Variants in TTC36 observed in about 807,000 individuals in gnomAD.
The protein encoded by TTC36 is tetratricopeptide repeat protein 36.
A neutral mutation model predicts 17.5 loss-of-function variants in TTC36; 15 were observed. That is an observed-to-expected ratio of 0.86 (90% CI 0.57 to 1.32). The LOEUF (loss-of-function observed/expected upper bound fraction) is 1.32, where lower values mean the gene tolerates loss of function less well. TTC36 is among the 40% of genes most tolerant of loss of function. The pLI is 0.00. For missense variants in TTC36, 292 were observed against 260.9 expected, an observed-to-expected ratio of 1.12 and a Z score of -0.82; for synonymous variants, 112 against 109.8, an observed-to-expected ratio of 1.02 and a Z score of -0.13.
In TTC36 at chr11:118,530,411, G is replaced by T. The variant is rs1436680912; in HGVS notation, c.308-243G>T. On this transcript the variant is annotated intron_variant, in intron 2 of 2. Transcript: ENST00000302783. The surrounding 1 kb of genome is among the most constrained non-coding windows in gnomAD (Gnocchi z 5.8). ...AATAATAGGAACAAGGCGAGACCTG[G>T]ACTTCAGTCCCAGCTCTGCCACTAA... is the stretch of plus-strand genomic sequence containing the variant. 4.5e-6 allele frequency: 2 copies of T among 440,204 alleles called. No individual in the cohort carries two copies. Among genetic ancestry groups the T allele is most frequent in the East Asian group, 7.6e-5 (2 of 26,150 alleles). The allele number at this position is 440,204 out of a possible 1,614,324, so 27.3% of individuals were successfully genotyped here. A position where few individuals can be genotyped will look rare whatever the true frequency, so the allele number is the denominator to read the frequency against.
chr11:118,527,736 G>A, intron 1 of TTC36, 124 bp downstream of exon 1: 2 of 778,918 alleles, frequency 2.6e-6, no homozygotes, highest in East Asian at 2.5e-5. Context: ...ATTGGAATCA[G>A]AGAGGTTGGC....
At position 118,527,483 on chromosome 11, in the gene TTC36, G is replaced by A; in HGVS notation, c.-12G>A. 1 of 1,604,640 alleles carries A rather than the reference G, an allele frequency of 6.2e-7. No homozygotes were observed. Among genetic ancestry groups the A allele is most frequent in the South Asian group, 1.1e-5 (1 of 90,886 alleles). On this transcript the variant is annotated 5_prime_UTR_variant, in exon 1 of 3. Transcript: ENST00000302783. ...TCTGGAGTCACCTTTTGGGATTTTG[G>A]AGTTGAGCACCATGGGGACTCCAAA...
In TTC36 at chr11:118,530,792, C is replaced by A. The variant is rs1951208485; in HGVS notation, c.446C>A (p.Ala149Glu). ...GACGCCCGCAGGGACTTCGAGAGGG[C>A]GGCACGGCTGGGCAGCCCCTTCGCG... ...DDDARRDFER[A>E]ARLGSPFARR... The change falls in exon 3 of 3, where the codon GCG (alanine) becomes GAG (glutamate). Residue 149 changes from alanine to glutamate, a missense_variant. Transcript: ENST00000302783. The surrounding 1 kb of genome is among the most constrained non-coding windows in gnomAD (Gnocchi z 5.8). The A allele has an allele frequency of 1.3e-6, 2 of 1,507,016 alleles. No individual in the cohort carries two copies. The highest frequency in any genetic ancestry group is 1.8e-6 in the Non-Finnish European group (2 of 1,136,616). The allele number at this position is 1,507,016 out of a possible 1,614,324, so 93.4% of individuals were successfully genotyped here.
Position 118,528,788 on chromosome 11 carries a change from G to C in TTC36, c.304G>C (p.Ala102Pro). The C allele has an allele frequency of 6.2e-7, 1 of 1,605,198 alleles. No homozygotes were observed. The highest frequency in any genetic ancestry group is 8.5e-7 in the Non-Finnish European group (1 of 1,175,886). Residue 102 changes from alanine to proline, a missense_variant, in exon 2 of 3, where the codon GCA becomes CCA. Transcript: ENST00000302783. ...AQARRLQGDV[A>P]GALEDLERAV... Reference sequence around the variant, plus strand: ...GGCCCGGCGACTCCAGGGAGACGTGGCAGGTAAGGGGAGATGCCCTGTATC... The same window carrying C: ...GGCCCGGCGACTCCAGGGAGACGTGCCAGGTAAGGGGAGATGCCCTGTATC...
intron 1 of TTC36, chr11:118,528,155 G>GA: frequency 5.6e-6 from 2 of 357,238 alleles, no homozygotes; most frequent in Non-Finnish European, 1.1e-5. Context: ...AACTCAGGCC[G>GA]AAACACAGAG....
chr11:118,530,689 A>AGCGGCGGCCGGGGCC lies in TTC36; in HGVS notation c.347_361dup (p.Gly116_Arg120dup). On this transcript the variant is annotated inframe_insertion, in exon 3 of 3. Transcript: ENST00000302783. The surrounding 1 kb of genome is among the most constrained non-coding windows in gnomAD (Gnocchi z 5.8). ...GGATCTGGAACGCGCGGTGGAGCTGAGCGGCGGCCGGGGCCGCGCCGCCCG... is the reference window on the plus strand; with the variant it reads ...GGATCTGGAACGCGCGGTGGAGCTGAGCGGCGGCCGGGGCCGCGGCGGCCGGGGCCGCGCCGCCCG... The AGCGGCGGCCGGGGCC allele has an allele frequency of 6.8e-7, 1 of 1,475,936 alleles. No individual in the cohort carries two copies. Among genetic ancestry groups the AGCGGCGGCCGGGGCC allele is most frequent in the Non-Finnish European group, 8.9e-7 (1 of 1,122,396 alleles). 91.4% of individuals were successfully genotyped at this position (1,475,936 alleles called of 1,614,324 possible). A position where few individuals can be genotyped will look rare whatever the true frequency, so the allele number is the denominator to read the frequency against.
intron 1 of TTC36, 38 bp from the exon 2 acceptor site, chr11:118,528,565 T>C (rs781910711): frequency 2.0e-6 from 3 of 1,516,792 alleles, no homozygotes; most frequent in Admixed American, 2.1e-5. Flanking sequence ...TGCTACCAAC[T>C]GCACACCTGG....
At position 118,528,640 on chromosome 11, in the gene TTC36, G is replaced by A. The variant is rs1326209414; in HGVS notation, c.156G>A (p.Lys52=). ...CTCAAGCACAGCTGGAACAGTCCAA[G>A]GCCCTGGAGCTGCAGGGGGTGATGG... The part of the protein sequence containing the change: ...VFPQAQLEQS[K]ALELQGVMAA... The change falls in exon 2 of 3, where the codon AAG becomes AAA. Residue 52 remains lysine, a synonymous_variant. Transcript: ENST00000302783. 1.2e-6 allele frequency: 2 copies of A among 1,609,134 alleles called. No homozygotes were observed. The highest frequency in any genetic ancestry group is 1.7e-6 in the Non-Finnish European group (2 of 1,177,054).
At position 118,528,784 on chromosome 11, in the gene TTC36, C is replaced by A. The variant is rs373359165; in HGVS notation, c.300C>A (p.Asp100Glu). 1 of 1,605,912 alleles carries A rather than the reference C, an allele frequency of 6.2e-7. No individual in the cohort carries two copies. The highest frequency in any genetic ancestry group is 8.5e-7 in the Non-Finnish European group (1 of 1,176,312). The stretch of plus-strand genomic sequence containing the variant: ...CCCAGGCCCGGCGACTCCAGGGAGA[C>A]GTGGCAGGTAAGGGGAGATGCCCTG... Reference protein sequence around the residue: ...NRAQARRLQGDVAGALEDLER... With the variant: ...NRAQARRLQGEVAGALEDLER... The change falls in exon 2 of 3, where the codon GAC (aspartate) becomes GAA (glutamate). Residue 100 changes from aspartate (D) to glutamate (E), a missense_variant. Asp to Glu is a conservative substitution (Grantham distance 45). Transcript: ENST00000302783.
At position 118,530,938 on chromosome 11, in the gene TTC36, G is replaced by A; in HGVS notation, c.*22G>A. ...CTGAGCGCCGCGGACCCGGGCGTCC[G>A]CGGGCGAGGGGACGGGACTGGGCCC... On this transcript the variant is annotated 3_prime_UTR_variant, in exon 3 of 3. Coordinates refer to ENST00000302783, the MANE Select transcript of TTC36 (RefSeq NM_001080441.4). This position sits in a 1 kb window ranked among gnomAD's most constrained non-coding sequence, Gnocchi z 5.8. 1 of 1,480,372 alleles carries A rather than the reference G, an allele frequency of 6.8e-7. No individual in the cohort carries two copies. 91.7% of individuals were successfully genotyped at this position (1,480,372 alleles called of 1,614,324 possible).
chr11:118,528,463 C>G lies in TTC36; in HGVS notation c.119-140C>G, dbSNP rs961726576. Reference sequence around the variant, plus strand: ...TTAGTGACCTCATCTCCCCCTACCCCAAACACTGCAACTGACCCCTGCTGT... The same window carrying G: ...TTAGTGACCTCATCTCCCCCTACCCGAAACACTGCAACTGACCCCTGCTGT... On this transcript the variant is annotated intron_variant, in intron 1 of 2. Transcript: ENST00000302783. The G allele has an allele frequency of 2.6e-5, 21 of 797,170 alleles. No individual in the cohort carries two copies. The South Asian group carries it at 4.9e-4, about 19-fold the overall frequency. The allele number at this position is 797,170 out of a possible 1,614,324, so 49.4% of individuals were successfully genotyped here.
At chr11:118,527,888 G>A (rs1225427734) in intron 1 of TTC36, 3 of 532,716 alleles carry the variant, frequency 5.6e-6, no homozygotes, top group Non-Finnish European at 1.1e-5. Context: ...TAACTGCCAG[G>A]TGATGTTAAA....
Position 118,530,548 on chromosome 11 carries a change from C to T in TTC36, c.308-106C>T, listed in dbSNP as rs948870092. 7.8e-7 allele frequency: 1 copy of T among 1,287,564 alleles called. No individual in the cohort carries two copies. The highest frequency in any genetic ancestry group is 9.9e-7 in the Non-Finnish European group (1 of 1,008,878). 79.8% of individuals were successfully genotyped at this position (1,287,564 alleles called of 1,614,324 possible). A position where few individuals can be genotyped will look rare whatever the true frequency, so the allele number is the denominator to read the frequency against. ...GGTTGTAAATGGCCACGCCCGGGAG[C>T]CGCAAGAACCACGGTGATCCGCGCG... On this transcript the variant is annotated intron_variant, in intron 2 of 2. Coordinates refer to ENST00000302783, the MANE Select transcript of TTC36 (RefSeq NM_001080441.4). The surrounding 1 kb of genome is among the most constrained non-coding windows in gnomAD (Gnocchi z 5.8).
At chr11:118,527,794 G>A (rs1951111908) in intron 1 of TTC36, 182 bp downstream of exon 1, 1 of 675,858 alleles carries the variant, frequency 1.5e-6, no homozygotes, top group African/African-American at 1.8e-5. Context: ...GTCCTGCCAA[G>A]AGGAGTAAGC....
chr11:118,528,138 C>T, intron 1 of TTC36: 1 of 367,916 alleles, frequency 2.7e-6, no homozygotes, highest in South Asian at 2.0e-5. Flanking sequence ...AAAGCCTACA[C>T]CTTACTAACT....
intron 2 of TTC36, among the ~76,000 whole-genome samples, chr11:118,529,912 C>T (rs1232650623): frequency 1.3e-5 from 2 of 152,200 alleles, no homozygotes; most frequent in Non-Finnish European, 2.9e-5. Context: ...AAGAAGCCAG[C>T]CTGGTGGACT....
rs1374859068 is a variant in TTC36, at chr11:118,530,644, G to T, written c.308-10G>T. The stretch of plus-strand genomic sequence containing the variant: ...TGACCCCCGCCCCGCCCGTCTCGTC[G>T]GTCCCGCAGGCGCCCTGGAGGATCT... On this transcript the variant is annotated splice_polypyrimidine_tract_variant and intron_variant, in intron 2 of 2. Coordinates refer to ENST00000302783, the MANE Select transcript of TTC36 (RefSeq NM_001080441.4). This position sits in a 1 kb window ranked among gnomAD's most constrained non-coding sequence, Gnocchi z 5.8. The T allele has an allele frequency of 7.0e-7, 1 of 1,429,130 alleles. No individual in the cohort carries two copies. The highest frequency in any genetic ancestry group is 9.1e-7 in the Non-Finnish European group (1 of 1,101,780). The allele number at this position is 1,429,130 out of a possible 1,614,324, so 88.5% of individuals were successfully genotyped here. A position where few individuals can be genotyped will look rare whatever the true frequency, so the allele number is the denominator to read the frequency against.
In TTC36 at chr11:118,530,800, CT is replaced by C; in HGVS notation, c.455del (p.Leu152ArgfsTer27). ...ARRDFERAARLGSPFARRQLV... is the reference protein window; with the variant it reads ...ARRDFERAARXGSPFARRQLV... ...CAGGGACTTCGAGAGGGCGGCACGGCTGGGCAGCCCCTTCGCGCGGCGCCAG... is the reference window on the plus strand; with the variant it reads ...CAGGGACTTCGAGAGGGCGGCACGGCGGGCAGCCCCTTCGCGCGGCGCCAG... On this transcript the variant is annotated frameshift_variant, in exon 3 of 3. Coordinates refer to ENST00000302783, the MANE Select transcript of TTC36 (RefSeq NM_001080441.4). LOFTEE classifies it high-confidence loss of function. The surrounding 1 kb of genome is among the most constrained non-coding windows in gnomAD (Gnocchi z 5.8). 1 of 1,504,590 alleles carries C rather than the reference CT, an allele frequency of 6.6e-7. No homozygotes were observed. The highest frequency in any genetic ancestry group is 8.8e-7 in the Non-Finnish European group (1 of 1,135,304). The allele number at this position is 1,504,590 out of a possible 1,614,324, so 93.2% of individuals were successfully genotyped here.
rs375349391 is a variant in TTC36, at chr11:118,530,774, G to A, written c.428G>A (p.Arg143His). 2.9e-4 allele frequency: 433 copies of A among 1,508,836 alleles called. 1 individual carries two copies. The highest frequency in any genetic ancestry group is 3.6e-4 in the Non-Finnish European group (408 of 1,138,124). 93.5% of individuals were successfully genotyped at this position (1,508,836 alleles called of 1,614,324 possible). The change falls in exon 3 of 3, where the codon CGC becomes CAC. Residue 143 changes from arginine to histidine, a missense_variant. Transcript: ENST00000302783. This position sits in a 1 kb window ranked among gnomAD's most constrained non-coding sequence, Gnocchi z 5.8. ...CTGCAGGGCCGAGACGACGACGCCCGCAGGGACTTCGAGAGGGCGGCACGG... is the reference window on the plus strand; with the variant it reads ...CTGCAGGGCCGAGACGACGACGCCCACAGGGACTTCGAGAGGGCGGCACGG... ...ARLQGRDDDA[R>H]RDFERAARLG...
Sources: gnomAD v4.1 joint callset for allele counts (sites outside exome capture counted in the v4.1 genomes callset) on GRCh38, gnomAD v4.1.1 for gene constraint, Gnocchi (gnomAD v3.1) non-coding constraint, MANE v1.5 for transcripts, NCBI Gene and HGNC (gene_info 2026-07-23, HGNC 2026-07-21) for gene names.